TRDMT1: variants seen among roughly 807,000 people sequenced by gnomAD.
TRDMT1 encodes tRNA aspartic acid methyltransferase 1.
Under a neutral mutation model 51.2 loss-of-function variants are expected in TRDMT1, and 49 were observed. The observed-to-expected ratio is 0.96, with a 90% CI of 0.76 to 1.21. TRDMT1 has a LOEUF of 1.21. Ranked by LOEUF, TRDMT1 falls within the 50% of genes most tolerant of loss-of-function variation. The pLI is 0.00. For synonymous variants in TRDMT1, 187 were observed against 164.6 expected, an observed-to-expected ratio of 1.14 and a Z score of -1.04; for missense variants, 534 against 462.3, an observed-to-expected ratio of 1.16 and a Z score of -1.42.
Position 17,143,965 on chromosome 10 carries a change from T to G in TRDMT1, c.*5075A>C, listed in dbSNP as rs1183869064. ...AATAGCAAGATATCCAAGTTAAAAA[T>G]GTCCCAGCATGAAGATTCTAGAATA... On this transcript the variant is annotated 3_prime_UTR_variant, in exon 11 of 11. Coordinates refer to ENST00000377799, the MANE Select transcript of TRDMT1 (RefSeq NM_004412.7). 4 of 985,424 alleles carry G rather than the reference T, an allele frequency of 4.1e-6. No homozygotes were observed. Among genetic ancestry groups the G allele is most frequent in the Admixed American group, 6.1e-5 (1 of 16,286 alleles). 61.0% of individuals were successfully genotyped at this position (985,424 alleles called of 1,614,324 possible).
At chr10:17,195,508 T>C (rs999397466) in intron 1 of TRDMT1, among the ~76,000 whole-genome samples, 2 of 152,040 alleles carry the variant, frequency 1.3e-5, no homozygotes, top group African/African-American at 4.8e-5. Context: ...CTATGCTCAG[T>C]GCCTGGGTGG....
intron 2 of TRDMT1, among the ~76,000 whole-genome samples, chr10:17,173,989 T>C (rs578176770): frequency 2.6e-5 from 4 of 152,142 alleles, no homozygotes; most frequent in Non-Finnish European, 5.9e-5. Flanking sequence ...GGTCTCGAAC[T>C]CATAACTTCG....
chr10:17,190,343 T>C (rs1844520044), intron 1 of TRDMT1, among the ~76,000 whole-genome samples: 1 of 151,882 alleles, frequency 6.6e-6, no homozygotes, highest in Non-Finnish European at 1.5e-5. Flanking sequence ...ATAATCACCG[T>C]GTAATTATGT....
Position 17,148,881 on chromosome 10 carries a change from A to G in TRDMT1, c.*159T>C. The G allele has an allele frequency of 8.0e-7, 1 of 1,256,470 alleles. No individual in the cohort carries two copies. Among genetic ancestry groups the G allele is most frequent in the South Asian group, 2.2e-5 (1 of 45,666 alleles). 77.8% of individuals were successfully genotyped at this position (1,256,470 alleles called of 1,614,324 possible). ...AAAATACAGTAATATAAATTTGATG[A>G]AACACATGGATTTTTTTAATAAAAT... On this transcript the variant is annotated 3_prime_UTR_variant, in exon 11 of 11. Coordinates refer to ENST00000377799, the MANE Select transcript of TRDMT1 (RefSeq NM_004412.7).
chr10:17,144,102 AG>A lies in TRDMT1; in HGVS notation c.*4937del, dbSNP rs886142722. 1 of 985,338 alleles carries A rather than the reference AG, an allele frequency of 1.0e-6. No individual in the cohort carries two copies. The highest frequency in any genetic ancestry group is 1.7e-5 in the African/African-American group (1 of 57,224). 61.0% of individuals were successfully genotyped at this position (985,338 alleles called of 1,614,324 possible). ...AAAAATGGCATGAAAAGTGAAGGGT[AG>A]AAAGAGACCTGAGGACGGAACCTTC... On this transcript the variant is annotated 3_prime_UTR_variant, in exon 11 of 11. Coordinates refer to ENST00000377799, the MANE Select transcript of TRDMT1 (RefSeq NM_004412.7).
intron 1 of TRDMT1, among the ~76,000 whole-genome samples, chr10:17,190,651 C>T (rs1207965682): frequency 6.6e-6 from 1 of 152,120 alleles, no homozygotes; most frequent in Non-Finnish European, 1.5e-5. Context: ...ACAACCATGC[C>T]TACAAAAACT....
At chr10:17,192,571 T>C (rs1844837320) in intron 1 of TRDMT1, among the ~76,000 whole-genome samples, 1 of 152,134 alleles carries the variant, frequency 6.6e-6, no homozygotes, top group Non-Finnish European at 1.5e-5. Context: ...GTTTTCACAA[T>C]GTAGGTGTGC....
At position 17,138,631 on chromosome 10, in the gene TRDMT1, A is replaced by G. The variant is rs1837492542; in HGVS notation, c.*10409T>C. Among the ~76,000 whole-genome samples the G allele has an allele frequency of 6.8e-6, 1 of 147,810 alleles. No individual in the cohort carries two copies. The highest frequency in any genetic ancestry group is 2.5e-5 in the African/African-American group (1 of 40,468). ...CCATGCTCATTATTACAATGACTAC[A>G]ATTATCTTTGAGTAGAATGAAAAAG... On this transcript the variant is annotated 3_prime_UTR_variant, in exon 11 of 11. Coordinates refer to ENST00000377799, the MANE Select transcript of TRDMT1 (RefSeq NM_004412.7).
chr10:17,167,089 A>G (rs1268939589), intron 3 of TRDMT1, among the ~76,000 whole-genome samples: 2 of 152,360 alleles, frequency 1.3e-5, no homozygotes, highest in East Asian at 3.9e-4. Flanking sequence ...ATAATTTAAG[A>G]TAACATTATA....
chr10:17,161,147 C>T (rs1276342285), intron 5 of TRDMT1, among the ~76,000 whole-genome samples: 3 of 152,246 alleles, frequency 2.0e-5, no homozygotes, highest in African/African-American at 7.2e-5. Flanking sequence ...AAATACTTGT[C>T]AACAGGACCA....
At chr10:17,169,297 T>C in intron 2 of TRDMT1, 2 of 1,174,910 alleles carry the variant, frequency 1.7e-6, no homozygotes, top group Non-Finnish European at 2.1e-6. Flanking sequence ...CTAGGAAATT[T>C]TTAAATACCT....
rs1251940818 is a variant in TRDMT1, at chr10:17,144,391, A to C, written c.*4649T>G. The C allele has an allele frequency of 1.0e-6, 1 of 985,390 alleles. No homozygotes were observed. Among genetic ancestry groups the C allele is most frequent in the African/African-American group, 1.7e-5 (1 of 57,254 alleles). 61.0% of individuals were successfully genotyped at this position (985,390 alleles called of 1,614,324 possible). ...AAATGAAAAAACCCTAGGCTTATTCAGAAAAGAGTTCTATGGGAGAACTCA... is the reference window on the plus strand; with the variant it reads ...AAATGAAAAAACCCTAGGCTTATTCCGAAAAGAGTTCTATGGGAGAACTCA... On this transcript the variant is annotated 3_prime_UTR_variant, in exon 11 of 11. Transcript: ENST00000377799.
chr10:17,183,861 C>T (rs1843578373), intron 1 of TRDMT1, among the ~76,000 whole-genome samples: 1 of 152,198 alleles, frequency 6.6e-6, no homozygotes, highest in African/African-American at 2.4e-5. Flanking sequence ...AGGTTTGGCT[C>T]TTTTCTCAAG....
chr10:17,174,756 T>G, intron 1 of TRDMT1, 96 bp from the exon 2 acceptor site: 1 of 963,616 alleles, frequency 1.0e-6, no homozygotes, highest in South Asian at 1.4e-5. Flanking sequence ...ATTTCCTTAT[T>G]TCTTCATTTA....
chr10:17,159,088 A>AAT, intron 7 of TRDMT1, 58 bp downstream of exon 7: 1 of 1,158,430 alleles, frequency 8.6e-7, no homozygotes, highest in Non-Finnish European at 1.2e-6. Context: ...TTAGCAGACT[A>AAT]ATATATATTT....
At chr10:17,162,700 G>A (rs905688373) in intron 3 of TRDMT1, among the ~76,000 whole-genome samples, 19 of 152,244 alleles carry the variant, frequency 1.2e-4, no homozygotes, top group South Asian at 2.1e-4. Flanking sequence ...AAAATCAGCC[G>A]GGCGTGGTGG....
At position 17,143,811 on chromosome 10, in the gene TRDMT1, A is replaced by G. The variant is rs10904886; in HGVS notation, c.*5229T>C. On this transcript the variant is annotated 3_prime_UTR_variant, in exon 11 of 11. Coordinates refer to ENST00000377799, the MANE Select transcript of TRDMT1 (RefSeq NM_004412.7). ...AGGTGAAGATGATCTTTGGTTATGA[A>G]GCTTGAACTTGGAAGATGTGGAGAC... 0.15 allele frequency: 146,651 copies of G among 985,320 alleles called. 11,069 individuals carry two copies. Among genetic ancestry groups the G allele is most frequent in the Admixed American group, 0.17 (2,796 of 16,266 alleles). 61.0% of individuals were successfully genotyped at this position (985,320 alleles called of 1,614,324 possible). A position where few individuals can be genotyped will look rare whatever the true frequency, so the allele number is the denominator to read the frequency against.
intron 7 of TRDMT1, among the ~76,000 whole-genome samples, chr10:17,158,582 T>G (rs1839881588): frequency 6.6e-6 from 1 of 152,138 alleles, no homozygotes; most frequent in African/African-American, 2.4e-5. Context: ...TGAAACTCAG[T>G]TATCCATCCC....
chr10:17,160,480 G>T, intron 5 of TRDMT1, 106 bp from the exon 6 acceptor site: 1 of 759,836 alleles, frequency 1.3e-6, no homozygotes, highest in Non-Finnish European at 1.9e-6. Context: ...TTGTTTTTTT[G>T]GTTTTTTTTG....
Sources: allele counts gnomAD v4.1 joint callset (sites outside exome capture counted in the v4.1 genomes callset), GRCh38; gene constraint gnomAD v4.1.1; transcripts MANE v1.5; gene names NCBI Gene and HGNC (gene_info 2026-07-23, HGNC 2026-07-21).